PLCE1: variants seen among roughly 807,000 people sequenced by gnomAD.
PLCE1 encodes 1-phosphatidylinositol 4,5-bisphosphate phosphodiesterase epsilon-1.
Under a neutral mutation model 242.8 loss-of-function variants are expected in PLCE1, and 119 were observed. The ratio of observed to expected loss-of-function variants is 0.49; its 90% CI spans 0.42 to 0.57. The LOEUF is 0.57. PLCE1 is among the 20% of genes least tolerant of loss of function. PLCE1 has a pLI of 0.00. For synonymous variants in PLCE1, 945 were observed against 1,017.4 expected, an observed-to-expected ratio of 0.93 and a Z score of 1.35; for missense variants, 2,441 against 2,788.8, an observed-to-expected ratio of 0.88 and a Z score of 2.81.
intron 4 of PLCE1, among the ~76,000 whole-genome samples, chr10:94,224,902 C>A (rs370942305): frequency 4.8e-4 from 73 of 152,308 alleles, no homozygotes; most frequent in African/African-American, 1.7e-3. Flanking sequence ...CTAGGAATCC[C>A]AGACAGTTCC....
chr10:94,086,734 G>A (rs2135306380), intron 2 of PLCE1, among the ~76,000 whole-genome samples: 1 of 152,332 alleles, frequency 6.6e-6, no homozygotes, highest in South Asian at 2.1e-4. Flanking sequence ...CAGGAGCACT[G>A]TTGGAATGAT....
chr10:94,132,432 G>A lies in PLCE1; in HGVS notation c.1465G>A (p.Gly489Arg), dbSNP rs377605811. 3.1e-6 allele frequency: 5 copies of A among 1,613,920 alleles called. No individual in the cohort carries two copies. The African/African-American group carries it at 4.0e-5, about 13-fold the overall frequency. Residue 489 changes from glycine (G) to arginine (R), a missense_variant, in exon 3 of 33, where the codon GGA becomes AGA. Transcript: ENST00000371380. ...ARSGLLSTFG[G>R]STGRMMLKER... The stretch of plus-strand genomic sequence containing the variant: ...AAGTGGCCTTCTCAGTACTTTTGGA[G>A]GATCCACTGGACGAATGATGCTGAA...
At position 94,227,360 on chromosome 10, in the gene PLCE1, C is replaced by T. The variant is rs1564806961; in HGVS notation, c.1864C>T (p.Arg622Ter). ...CACGGCAGGCTCCATGGAGGAGAAGCGAGAAGTCTTTTCATATTTGGTGCA... is the reference window on the plus strand; with the variant it reads ...CACGGCAGGCTCCATGGAGGAGAAGTGAGAAGTCTTTTCATATTTGGTGCA... ...ILTAGSMEEKREVFSYLVHVA... is the reference protein window; with the variant it reads ...ILTAGSMEEK Residue 622 changes from arginine (R) to a stop codon, truncating the protein, a stop_gained, in exon 5 of 33, where the codon CGA becomes TGA. Coordinates refer to ENST00000371380, the MANE Select transcript of PLCE1 (RefSeq NM_016341.4). LOFTEE classifies it high-confidence loss of function. 3.7e-6 allele frequency: 6 copies of T among 1,613,930 alleles called. No individual in the cohort carries two copies. Among genetic ancestry groups the T allele is most frequent in the Non-Finnish European group, 5.1e-6 (6 of 1,179,826 alleles).
chr10:94,032,811 T>C (rs1054287256), intron 2 of PLCE1, among the ~76,000 whole-genome samples: 3 of 152,112 alleles, frequency 2.0e-5, no homozygotes, highest in Admixed American at 6.6e-5. Context: ...TTTATCATGA[T>C]TTTTTTAAAT....
intron 24 of PLCE1, among the ~76,000 whole-genome samples, chr10:94,301,067 G>A (rs999317655): frequency 1.4e-5 from 2 of 146,516 alleles, no homozygotes; most frequent in African/African-American, 2.5e-5. Context: ...GCTAGGGGCC[G>A]GGCACGATGG....
chr10:94,289,187 C>T (rs1362479943), intron 22 of PLCE1, among the ~76,000 whole-genome samples: 1 of 152,108 alleles, frequency 6.6e-6, no homozygotes, highest in Non-Finnish European at 1.5e-5. Flanking sequence ...CAATATCTTG[C>T]AAAACCAGTG....
intron 2 of PLCE1, among the ~76,000 whole-genome samples, chr10:94,036,508 C>T (rs7910822): frequency 1.3e-5 from 2 of 151,754 alleles, no homozygotes; most frequent in Non-Finnish European, 1.5e-5. Context: ...AGAAGATTGG[C>T]TTTGAATGGA....
At chr10:94,267,392 A>G (rs2133084918) in intron 16 of PLCE1, among the ~76,000 whole-genome samples, 1 of 152,258 alleles carries the variant, frequency 6.6e-6, no homozygotes, top group East Asian at 1.9e-4. Context: ...AAGGCACAAG[A>G]ACCCCTCAAA....
chr10:94,076,881 T>C (rs1258729296), intron 2 of PLCE1, among the ~76,000 whole-genome samples: 1 of 150,718 alleles, frequency 6.6e-6, no homozygotes, highest in Non-Finnish European at 1.5e-5. Flanking sequence ...TTGTCTTTAC[T>C]GTGAAGTTGT....
intron 5 of PLCE1, among the ~76,000 whole-genome samples, chr10:94,233,350 T>C (rs1401664869): frequency 6.6e-6 from 1 of 152,210 alleles, no homozygotes; most frequent in Non-Finnish European, 1.5e-5. Context: ...ACTAAGGGAC[T>C]GGATTGATCC....
chr10:94,304,392 CAA>C, intron 24 of PLCE1, 88 bp from the exon 25 acceptor site: 3 of 1,178,218 alleles, frequency 2.5e-6, no homozygotes, highest in Non-Finnish European at 3.8e-6. Context: ...AAAATTGATG[CAA>C]AGTTCTTTTG....
At chr10:94,089,448 C>T (rs991042450) in intron 2 of PLCE1, 3 of 1,259,556 alleles carry the variant, frequency 2.4e-6, no homozygotes, top group African/African-American at 3.0e-5. Context: ...TGTTTCTTTA[C>T]TAGCACCATT....
At chr10:94,111,304 T>C (rs2045947529) in intron 2 of PLCE1, among the ~76,000 whole-genome samples, 1 of 151,212 alleles carries the variant, frequency 6.6e-6, no homozygotes, top group African/African-American at 2.4e-5. Context: ...AGAGGTGGAG[T>C]GAAGAAAGGG....
At chr10:94,104,437 AAGT>A (rs2045652658) in intron 2 of PLCE1, 1 of 152,182 alleles carries the variant, frequency 6.6e-6, no homozygotes, top group African/African-American at 2.4e-5. Flanking sequence ...ATTAAGCCTG[AAGT>A]TCATGTATCC....
intron 4 of PLCE1, among the ~76,000 whole-genome samples, chr10:94,224,083 C>T (rs1176610799): frequency 6.7e-6 from 1 of 148,574 alleles, no homozygotes; most frequent in Non-Finnish European, 1.5e-5. Flanking sequence ...GGCTTGTAAA[C>T]AGATGTTGGG....
intron 6 of PLCE1, 125 bp from the exon 7 acceptor site, chr10:94,235,790 G>T: frequency 2.7e-6 from 4 of 1,459,138 alleles, no homozygotes; most frequent in Non-Finnish European, 3.7e-6. Flanking sequence ...GGAGGCTCTT[G>T]TTTTCTTTCC....
At chr10:94,301,290 G>T (rs2053028428) in intron 24 of PLCE1, among the ~76,000 whole-genome samples, 1 of 150,292 alleles carries the variant, frequency 6.7e-6, no homozygotes, top group Non-Finnish European at 1.5e-5. Flanking sequence ...GTTGCAGTGA[G>T]CCGAGATCGC....
At chr10:94,171,935 A>G (rs2047993726) in intron 4 of PLCE1, among the ~76,000 whole-genome samples, 2 of 152,268 alleles carry the variant, frequency 1.3e-5, no homozygotes, top group Admixed American at 1.3e-4. Context: ...CTCAGCAGAA[A>G]CACCTAGGTC....
Position 94,254,173 on chromosome 10 carries a change from G to C in PLCE1, c.3280-17G>C, listed in dbSNP as rs984887095. 3.2e-6 allele frequency: 5 copies of C among 1,564,058 alleles called. No individual in the cohort carries two copies. The highest frequency in any genetic ancestry group is 4.4e-6 in the Non-Finnish European group (5 of 1,134,312). On this transcript the variant is annotated splice_polypyrimidine_tract_variant and intron_variant, in intron 9 of 32. Transcript: ENST00000371380. ...AGAAATACAGGCTTGGAACCATCGT[G>C]AGCTTTGTGTTCCCAGGGTGAGAGT...
Sources: allele counts gnomAD v4.1 joint callset (sites outside exome capture counted in the v4.1 genomes callset), GRCh38; gene constraint gnomAD v4.1.1; transcripts MANE v1.5; gene names NCBI Gene and HGNC (gene_info 2026-07-23, HGNC 2026-07-21).